The following DENND1A variants were observed in gnomAD, a reference collection of about 807,000 sequenced individuals.
DENND1A encodes the protein DENN domain containing 1A.
A neutral mutation model predicts 113.7 loss-of-function variants in DENND1A; 51 were observed. The observed-to-expected ratio is 0.45, with a 90% confidence interval of 0.36 to 0.57. DENND1A has a LOEUF of 0.57. Ranked by LOEUF, DENND1A falls within the 20% of genes least tolerant of loss-of-function variation. The pLI is 0.00. For missense variants in DENND1A, 1,258 were observed against 1,395.9 expected, an observed-to-expected ratio of 0.90 and a Z score of 1.57; for synonymous variants, 565 against 570.8, an observed-to-expected ratio of 0.99 and a Z score of 0.14.
At chr9:123,469,566 AC>A (rs1376232962) in intron 13 of DENND1A, among the ~76,000 whole-genome samples, 1 of 152,252 alleles carries the variant, frequency 6.6e-6, no homozygotes, top group Non-Finnish European at 1.5e-5. Flanking sequence ...TAGTGCAGGA[AC>A]GGCAGATGAG....
At chr9:123,768,487 C>T (rs930377801) in intron 4 of DENND1A, among the ~76,000 whole-genome samples, 24 of 152,142 alleles carry the variant, frequency 1.6e-4, no homozygotes, top group African/African-American at 5.5e-4. Flanking sequence ...CACTAAAATA[C>T]ATGATAGAAT....
intron 13 of DENND1A, among the ~76,000 whole-genome samples, chr9:123,515,906 A>AAAAT (rs1416677138): frequency 6.6e-6 from 1 of 152,024 alleles, no homozygotes; most frequent in Non-Finnish European, 1.5e-5. Flanking sequence ...GTCTTTACAA[A>AAAAT]AAATAAAAAA....
At chr9:123,482,469 C>T (rs1483470650) in intron 13 of DENND1A, among the ~76,000 whole-genome samples, 1 of 152,210 alleles carries the variant, frequency 6.6e-6, no homozygotes, top group Non-Finnish European at 1.5e-5. Context: ...ATTCCCTTGG[C>T]CTGGCAAACA....
chr9:123,901,371 C>T (rs73669016), intron 1 of DENND1A, among the ~76,000 whole-genome samples: 31 of 152,252 alleles, frequency 2.0e-4, no homozygotes, highest in African/African-American at 7.2e-4. Context: ...AGACTATTCC[C>T]TCTCTCCTGC....
chr9:123,629,832 T>C (rs1346603016), intron 10 of DENND1A, among the ~76,000 whole-genome samples: 1 of 152,176 alleles, frequency 6.6e-6, no homozygotes, highest in Non-Finnish European at 1.5e-5. Flanking sequence ...TCAATTGTTT[T>C]TGTCCCCAGT....
intron 6 of DENND1A, among the ~76,000 whole-genome samples, chr9:123,676,459 G>A (rs976441677): frequency 4.6e-5 from 7 of 152,050 alleles, no homozygotes; most frequent in African/African-American, 1.7e-4. Flanking sequence ...TGAACGTTAA[G>A]GGTCTATTTA....
At chr9:123,809,722 G>A (rs964139365) in intron 2 of DENND1A, among the ~76,000 whole-genome samples, 2 of 152,178 alleles carry the variant, frequency 1.3e-5, no homozygotes, top group Admixed American at 6.5e-5. Context: ...CCAGGCTGTA[G>A]TGCAGTGGCA....
chr9:123,638,065 C>T (rs986039074), intron 9 of DENND1A, among the ~76,000 whole-genome samples: 2 of 152,120 alleles, frequency 1.3e-5, no homozygotes, highest in Non-Finnish European at 2.9e-5. Flanking sequence ...AGGCAATCAA[C>T]CGCCTGCTTA....
chr9:123,474,832 T>A (rs1564557359), intron 13 of DENND1A, among the ~76,000 whole-genome samples: 1 of 152,094 alleles, frequency 6.6e-6, no homozygotes, highest in Non-Finnish European at 1.5e-5. Flanking sequence ...TTTAATGGAA[T>A]AAAAAAAGGC....
intron 20 of DENND1A, among the ~76,000 whole-genome samples, chr9:123,409,892 C>T (rs1053777536): frequency 6.6e-6 from 1 of 152,070 alleles, no homozygotes; most frequent in African/African-American, 2.4e-5. Context: ...GAGATCGAGA[C>T]CATTCTGGCT....
rs539465325 is a variant in DENND1A, at chr9:123,427,152, C to A, written c.1488+13208G>T. Among the ~76,000 whole-genome samples, 3 of 152,316 alleles carry A rather than the reference C, an allele frequency of 2.0e-5. No homozygotes were observed. In the South Asian group the frequency reaches 6.2e-4, roughly 32 times the overall value. On this transcript the variant is annotated intron_variant, in intron 19 of 23. Coordinates refer to ENST00000394215, the MANE Select transcript of DENND1A (RefSeq NM_001352964.2). ...AAACAAAAAGGGCACTTAGAGATGC[C>A]CTATGGCATGATCACACAAGCACAA...
At chr9:123,864,223 A>G (rs1845497888) in intron 2 of DENND1A, among the ~76,000 whole-genome samples, 1 of 152,202 alleles carries the variant, frequency 6.6e-6, no homozygotes, top group African/African-American at 2.4e-5. Context: ...TCCAAGTTTT[A>G]TTTGCAAATG....
intron 1 of DENND1A, among the ~76,000 whole-genome samples, chr9:123,880,884 A>T (rs1292726771): frequency 6.6e-6 from 1 of 152,176 alleles, no homozygotes; most frequent in Non-Finnish European, 1.5e-5. Context: ...TTTTCCTAGT[A>T]ATACCTTAAA....
At chr9:123,529,874 A>T (rs990272803) in intron 13 of DENND1A, among the ~76,000 whole-genome samples, 1 of 152,224 alleles carries the variant, frequency 6.6e-6, no homozygotes, top group African/African-American at 2.4e-5. Flanking sequence ...TGTTAGGCAG[A>T]CATGGATTCA....
intron 9 of DENND1A, among the ~76,000 whole-genome samples, chr9:123,648,805 T>G (rs950359149): frequency 4.6e-5 from 7 of 152,224 alleles, no homozygotes; most frequent in African/African-American, 1.4e-4. Context: ...GAATTTATTT[T>G]TGTGTGTGTA....
intron 13 of DENND1A, among the ~76,000 whole-genome samples, chr9:123,495,141 T>TTCTCTCTC (rs56390148): frequency 0.044 from 6,234 of 140,542 alleles, 562 homozygotes; most frequent in African/African-American, 0.16. Flanking sequence ...CATTGTCTCT[T>TTCTCTCTC]TCTCTCTCTC....
intron 2 of DENND1A, among the ~76,000 whole-genome samples, chr9:123,797,322 T>G (rs563677007): frequency 6.6e-6 from 1 of 152,276 alleles, no homozygotes; most frequent in African/African-American, 2.4e-5. Flanking sequence ...GATGGGAATA[T>G]GCTGCAAACA....
At chr9:123,408,475 T>C (rs2044059058) in intron 20 of DENND1A, among the ~76,000 whole-genome samples, 1 of 152,154 alleles carries the variant, frequency 6.6e-6, no homozygotes, top group Non-Finnish European at 1.5e-5. Flanking sequence ...TACCAGGTGG[T>C]ATTGTTAAAC....
intron 9 of DENND1A, among the ~76,000 whole-genome samples, chr9:123,643,426 C>T (rs1380039058): frequency 4.6e-5 from 7 of 152,164 alleles, no homozygotes; most frequent in Non-Finnish European, 2.9e-5. Flanking sequence ...AGTAAATATG[C>T]CTTTGTCATT....
Sources: gnomAD v4.1 joint callset for allele counts (sites outside exome capture counted in the v4.1 genomes callset) on GRCh38, gnomAD v4.1.1 for gene constraint, MANE v1.5 for transcripts, NCBI Gene and HGNC (gene_info 2026-07-23, HGNC 2026-07-21) for gene names.